The following MSANTD5 variants were observed in gnomAD, a reference collection of about 807,000 sequenced individuals.
MSANTD5 encodes Myb/SANT DNA binding domain containing 5, also known as uncharacterized protein MSANTD5.
upstream of MSANTD5, among the ~76,000 whole-genome samples, chr5:178,700,986 G>C (rs1765475623): frequency 6.6e-6 from 1 of 151,998 alleles, no homozygotes; most frequent in South Asian, 2.1e-4. Context: ...TTGTTTGTTT[G>C]TTTTTGAGAC....
chr5:178,704,825 CAG>C, the MSANTD5 span, among the ~76,000 whole-genome samples: 1 of 152,080 alleles, frequency 6.6e-6, no homozygotes, highest in Non-Finnish European at 1.5e-5. Context: ...AAGTTGAGAG[CAG>C]AGAGAGAACT....
At chr5:178,692,803 A>G (rs1450175849), downstream of MSANTD5, among the ~76,000 whole-genome samples, 1 of 151,938 alleles carries the variant, frequency 6.6e-6, no homozygotes, top group Non-Finnish European at 1.5e-5. Context: ...AGGGACGTGC[A>G]TGTCCCTCAT....
chr5:178,706,142 C>G, the MSANTD5 span, among the ~76,000 whole-genome samples: 281 of 152,230 alleles, frequency 1.8e-3, 1 homozygote, highest in African/African-American at 6.2e-3. Context: ...CACATTCCCC[C>G]CTACCCATTC....
upstream of MSANTD5, among the ~76,000 whole-genome samples, chr5:178,698,773 T>G (rs1272167032): frequency 1.5e-5 from 1 of 64,664 alleles, no homozygotes; most frequent in Admixed American, 2.1e-4. Flanking sequence ...TTTTTTTTTG[T>G]AGAGACAGGG....
chr5:178,704,137 C>A, the MSANTD5 span, among the ~76,000 whole-genome samples: 94 of 152,040 alleles, frequency 6.2e-4, 1 homozygote, highest in African/African-American at 2.3e-3. Flanking sequence ...AATACCAATC[C>A]CAAATAATTC....
At chr5:178,695,437 C>T (rs1477576361) in exon 3 of MSANTD5, 1 of 152,156 alleles carries the variant, frequency 6.6e-6, no homozygotes, top group African/African-American at 2.4e-5. Flanking sequence ...TGGAGACATT[C>T]CTTCCAGCTC....
At chr5:178,696,598 G>A (rs1191049987) in intron 1 of MSANTD5, among the ~76,000 whole-genome samples, 7 of 152,222 alleles carry the variant, frequency 4.6e-5, no homozygotes, top group South Asian at 2.1e-4. Context: ...GGACAAGGGC[G>A]CGTGGGACAG....
intron 1 of MSANTD5, among the ~76,000 whole-genome samples, 155 bp downstream of exon 1, chr5:178,697,431 G>A (rs1034211883): frequency 6.6e-6 from 1 of 152,206 alleles, no homozygotes; most frequent in African/African-American, 2.4e-5. Context: ...TCCAGCCTGG[G>A]CGACAGAGCG....
upstream of MSANTD5, among the ~76,000 whole-genome samples, chr5:178,700,998 G>A (rs541736293): frequency 6.6e-6 from 1 of 152,292 alleles, no homozygotes; most frequent in African/African-American, 2.4e-5. Context: ...TTTTGAGACG[G>A]AGTCTCGCTC....
the MSANTD5 span, among the ~76,000 whole-genome samples, chr5:178,703,458 G>C: frequency 1.3e-5 from 2 of 152,176 alleles, no homozygotes; most frequent in African/African-American, 2.4e-5. Flanking sequence ...CAAGCCTAAT[G>C]GTCCAGTATA....
At chr5:178,693,934 G>T (rs1226317684), downstream of MSANTD5, among the ~76,000 whole-genome samples, 2 of 151,974 alleles carry the variant, frequency 1.3e-5, no homozygotes, top group African/African-American at 4.8e-5. Context: ...CAGTGATTAT[G>T]CCACCTGTGT....
At chr5:178,697,459 T>TAA (rs1765431758) in intron 1 of MSANTD5, 127 bp downstream of exon 1, 1 of 152,204 alleles carries the variant, frequency 6.6e-6, no homozygotes, top group African/African-American at 2.4e-5. Flanking sequence ...GTCTCAAAAA[T>TAA]ATAAATAAAT....
Position 178,695,905 on chromosome 5 carries a change from C to A in MSANTD5, c.91+192G>T, listed in dbSNP as rs73804464. On this transcript the variant is annotated intron_variant, in intron 2 of 3. Coordinates refer to ENST00000648368, the Ensembl canonical transcript of MSANTD5. ...GAGAGTGCTCCCCTGATGTGGGACTCACATCCCATCCCTGTGGGGCCTTTT... is the reference window on the plus strand; with the variant it reads ...GAGAGTGCTCCCCTGATGTGGGACTAACATCCCATCCCTGTGGGGCCTTTT... Among the ~76,000 whole-genome samples, 1,073 of 152,230 alleles carry A rather than the reference C, an allele frequency of 7.0e-3. 16 individuals carry two copies. The highest frequency in any genetic ancestry group is 0.024 in the African/African-American group (1,017 of 41,546).
chr5:178,692,398 T>C (rs1430048348), downstream of MSANTD5, among the ~76,000 whole-genome samples: 1 of 148,700 alleles, frequency 6.7e-6, no homozygotes, highest in African/African-American at 2.5e-5. Flanking sequence ...AAAAAAAAAA[T>C]TAAACATGCA....
At chr5:178,700,202 TCTC>T (rs1177088847), upstream of MSANTD5, among the ~76,000 whole-genome samples, 1 of 152,034 alleles carries the variant, frequency 6.6e-6, no homozygotes, top group African/African-American at 2.4e-5. Context: ...CTCGCCATGC[TCTC>T]CTCAACTTGG....
At chr5:178,702,556 C>T (rs1001449722), upstream of MSANTD5, among the ~76,000 whole-genome samples, 23 of 151,620 alleles carry the variant, frequency 1.5e-4, no homozygotes, top group Non-Finnish European at 3.2e-4. Flanking sequence ...GCCTCGCCCT[C>T]CCAAAGGGCT....
At chr5:178,697,971 A>G (rs1400460989), upstream of MSANTD5, among the ~76,000 whole-genome samples, 1 of 152,210 alleles carries the variant, frequency 6.6e-6, no homozygotes, top group East Asian at 1.9e-4. Context: ...GGTCTCTGAG[A>G]CCAGCATCTC....
chr5:178,693,751 A>AT (rs1765381030), downstream of MSANTD5, among the ~76,000 whole-genome samples: 1 of 151,910 alleles, frequency 6.6e-6, no homozygotes, highest in Non-Finnish European at 1.5e-5. Context: ...TTTTTATAGA[A>AT]TGCTGATTGG....
downstream of MSANTD5, among the ~76,000 whole-genome samples, chr5:178,693,099 C>T (rs1357766015): frequency 6.6e-6 from 1 of 151,880 alleles, no homozygotes; most frequent in Non-Finnish European, 1.5e-5. Flanking sequence ...CACCTGAGGT[C>T]GGGAGTTTGA....
Sources: gnomAD v4.1 joint callset for allele counts (sites outside exome capture counted in the v4.1 genomes callset) on GRCh38, gnomAD v4.1.1 for gene constraint, MANE v1.5 for transcripts, NCBI Gene and HGNC (gene_info 2026-07-23, HGNC 2026-07-21) for gene names.